Variants in ETV6 observed in about 807,000 individuals in gnomAD.
ETV6 encodes transcription factor ETV6.
Under a neutral mutation model 51.1 loss-of-function variants are expected in ETV6, and 16 were observed. The observed-to-expected ratio is 0.31, with a 90% CI of 0.21 to 0.48. ETV6 has a LOEUF of 0.48. ETV6 is among the 20% of genes least tolerant of loss of function. The pLI is 0.99. For synonymous variants in ETV6, 240 were observed against 224.1 expected, an observed-to-expected ratio of 1.07 and a Z score of -0.64; for missense variants, 458 against 594.8, an observed-to-expected ratio of 0.77 and a Z score of 2.39.
chr12:11,670,658 T>A (rs1864296038), intron 1 of ETV6, among the ~76,000 whole-genome samples: 1 of 152,176 alleles, frequency 6.6e-6, no homozygotes, highest in Admixed American at 6.5e-5. Flanking sequence ...CTCACACTCT[T>A]CTGAGTATAA....
chr12:11,878,538 C>G (rs1048727445), intron 5 of ETV6, among the ~76,000 whole-genome samples: 3 of 152,096 alleles, frequency 2.0e-5, no homozygotes, highest in Admixed American at 2.0e-4. Context: ...TCCAAGCCTT[C>G]TCCACACCTT....
chr12:11,870,395 C>T (rs879611045), intron 5 of ETV6, among the ~76,000 whole-genome samples: 7 of 152,128 alleles, frequency 4.6e-5, no homozygotes, highest in Non-Finnish European at 8.8e-5. Flanking sequence ...TAACGCCATG[C>T]AGCCTTCACC....
At chr12:11,706,596 G>C (rs1394582127) in intron 1 of ETV6, among the ~76,000 whole-genome samples, 3 of 152,204 alleles carry the variant, frequency 2.0e-5, no homozygotes, top group Non-Finnish European at 4.4e-5. Context: ...AATGACTTCA[G>C]TTTTAGGTGC....
At chr12:11,736,502 A>G (rs1180680126) in intron 1 of ETV6, among the ~76,000 whole-genome samples, 1 of 152,254 alleles carries the variant, frequency 6.6e-6, no homozygotes, top group Non-Finnish European at 1.5e-5. Context: ...ACTGTTATCT[A>G]TAACTGGTTC....
At position 11,752,571 on chromosome 12, in the gene ETV6, C is replaced by A. The variant is rs774396176; in HGVS notation, c.155C>A (p.Ala52Glu). The stretch of plus-strand genomic sequence containing the variant: ...GAGGAAGACTCGATCCGCCTGCCTG[C>A]GCACCTGCGTGAGTGTTCGTGACCC... ...RMEEDSIRLP[A>E]HLRLQPIYWS... The change falls in exon 2 of 8, where the codon GCG becomes GAG. Residue 52 changes from alanine (A) to glutamate (E), a missense_variant. Ala to Glu is a moderately radical substitution (Grantham distance 107, BLOSUM62 -1). This residue lies in a region of ETV6 where 84 missense variants were observed against 75.9 expected (regional missense o/e 1.11). Coordinates refer to ENST00000396373, the MANE Select transcript of ETV6 (RefSeq NM_001987.5). The A allele has an allele frequency of 1.2e-6, 2 of 1,611,996 alleles. No homozygotes were observed. Among genetic ancestry groups the A allele is most frequent in the East Asian group, 2.2e-5 (1 of 44,884 alleles).
intron 7 of ETV6, among the ~76,000 whole-genome samples, chr12:11,888,087 A>C (rs977936427): frequency 3.9e-5 from 6 of 152,286 alleles, no homozygotes; most frequent in Admixed American, 3.9e-4. Flanking sequence ...TGATGTCTGG[A>C]CTTCATGATT....
intron 1 of ETV6, among the ~76,000 whole-genome samples, chr12:11,666,323 G>A (rs1426219571): frequency 2.0e-5 from 3 of 152,190 alleles, no homozygotes; most frequent in Non-Finnish European, 1.5e-5. Flanking sequence ...TATCTGAGAT[G>A]AAGATCTCTC....
chr12:11,823,370 A>C (rs553984802), intron 2 of ETV6, among the ~76,000 whole-genome samples: 65 of 152,304 alleles, frequency 4.3e-4, no homozygotes, highest in African/African-American at 7.5e-4. Flanking sequence ...TAGTTCTGAC[A>C]TCTGGACATC....
intron 1 of ETV6, among the ~76,000 whole-genome samples, chr12:11,667,040 A>G (rs773715443): frequency 6.6e-6 from 1 of 152,200 alleles, no homozygotes; most frequent in Non-Finnish European, 1.5e-5. Flanking sequence ...ATAGGTCTGT[A>G]TATGAATGTG....
chr12:11,784,570 A>C (rs531849435), intron 2 of ETV6, among the ~76,000 whole-genome samples: 5 of 152,178 alleles, frequency 3.3e-5, no homozygotes, highest in Non-Finnish European at 7.3e-5. Context: ...GAGGAGGGAA[A>C]GTGTTTGATG....
At chr12:11,888,100 C>T (rs957978786) in intron 7 of ETV6, among the ~76,000 whole-genome samples, 2 of 152,230 alleles carry the variant, frequency 1.3e-5, no homozygotes, top group Non-Finnish European at 2.9e-5. Context: ...TCATGATTCA[C>T]ATCGGGATTC....
intron 1 of ETV6, among the ~76,000 whole-genome samples, chr12:11,715,299 TG>T (rs1239782432): frequency 6.6e-6 from 1 of 152,192 alleles, no homozygotes; most frequent in African/African-American, 2.4e-5. Context: ...TTATTTATTT[TG>T]ACTGCTTTAT....
At chr12:11,666,473 G>T (rs144566834) in intron 1 of ETV6, among the ~76,000 whole-genome samples, 298 of 152,304 alleles carry the variant, frequency 2.0e-3, no homozygotes, top group African/African-American at 6.8e-3. Context: ...GCTGTTTACA[G>T]TGGATAGCCC....
intron 1 of ETV6, among the ~76,000 whole-genome samples, chr12:11,733,906 T>C (rs527273336): frequency 1.1e-4 from 17 of 152,364 alleles, no homozygotes; most frequent in South Asian, 2.1e-4. Context: ...CTTGATGTTT[T>C]AGTTGCAGCC....
At chr12:11,698,281 T>G (rs1458736425) in intron 1 of ETV6, among the ~76,000 whole-genome samples, 2 of 152,234 alleles carry the variant, frequency 1.3e-5, no homozygotes, top group Non-Finnish European at 2.9e-5. Context: ...TATTGCTGCA[T>G]AACAAACTGC....
intron 1 of ETV6, among the ~76,000 whole-genome samples, chr12:11,735,583 C>CGAT (rs748490340): frequency 1.6e-4 from 24 of 151,964 alleles, no homozygotes; most frequent in African/African-American, 4.8e-4. Context: ...TTGTCACTTA[C>CGAT]GATGATGATG....
intron 2 of ETV6, among the ~76,000 whole-genome samples, chr12:11,818,173 G>A (rs1591695378): frequency 6.6e-6 from 1 of 152,182 alleles, no homozygotes. Context: ...TTTGAAGAGT[G>A]GGGTTTTATT....
intron 4 of ETV6, among the ~76,000 whole-genome samples, chr12:11,860,166 A>T (rs930845648): frequency 2.6e-5 from 4 of 152,162 alleles, no homozygotes; most frequent in African/African-American, 9.7e-5. Context: ...ACAGCGGCTT[A>T]GTAGGTAACA....
chr12:11,889,097 A>G (rs1005671582), intron 7 of ETV6, among the ~76,000 whole-genome samples: 2 of 152,188 alleles, frequency 1.3e-5, no homozygotes, highest in East Asian at 3.8e-4. Flanking sequence ...GAAAGTCGTC[A>G]AAAGAAGAAA....
Sources: gnomAD v4.1 joint callset for allele counts (sites outside exome capture counted in the v4.1 genomes callset) on GRCh38, gnomAD v4.1.1 for gene constraint, gnomAD v4.1.1 regional missense constraint, MANE v1.5 for transcripts, NCBI Gene and HGNC (gene_info 2026-07-23, HGNC 2026-07-21) for gene names.